Variants in TEX9 observed in about 807,000 individuals in gnomAD.
TEX9 encodes the protein testis expressed 9, also known as testis-expressed protein 9.
Under a neutral mutation model 59.6 loss-of-function variants are expected in TEX9, and 74 were observed. The ratio of observed to expected loss-of-function variants is 1.24; its 90% confidence interval spans 1.03 to 1.51. TEX9 has a LOEUF of 1.51. TEX9 is among the 40% of genes most tolerant of loss of function. The probability of loss-of-function intolerance (pLI) is 0.00; values close to 1 mark genes in which losing one functional copy is unlikely to be tolerated. For missense variants in TEX9, 522 were observed against 447.8 expected (o/e 1.17, Z -1.49); for synonymous variants, 186 against 152.2 (o/e 1.22, Z -1.64).
At chr15:56,439,756 AAAAAAAACCC>A (rs1470252566) in intron 12 of TEX9, among the ~76,000 whole-genome samples, 1 of 151,622 alleles carries the variant, frequency 6.6e-6, no homozygotes, top group East Asian at 1.9e-4. Context: ...AAGCATAAAA[AAAAAAAACCC>A]AAAAAAACAA....
intron 9 of TEX9, among the ~76,000 whole-genome samples, chr15:56,409,200 A>G (rs1317290435): frequency 1.3e-5 from 2 of 152,180 alleles, no homozygotes; most frequent in South Asian, 4.1e-4. Context: ...CGTCTCAAAA[A>G]AAAAAAAAAA....
exon 4 of TEX9, chr15:56,383,999 A>G (rs1333477906): frequency 1.9e-6 from 3 of 1,612,750 alleles, no homozygotes; most frequent in Middle Eastern, 1.6e-4. Flanking sequence ...CACAAATGAA[A>G]TCATGTGATG....
At chr15:56,431,269 C>T (rs2050586901) in intron 12 of TEX9, 6 of 1,351,672 alleles carry the variant, frequency 4.4e-6, no homozygotes, top group South Asian at 1.4e-5. Flanking sequence ...GCTTCATAAC[C>T]GAGCAAGAAG....
At chr15:56,360,425 A>G (rs2046768882) in intron 1 of TEX9, among the ~76,000 whole-genome samples, 1 of 152,114 alleles carries the variant, frequency 6.6e-6, no homozygotes. Context: ...TTCTCCTTGC[A>G]TGAGTTTTGG....
At chr15:56,265,574 A>G (rs917777405) in intron 1 of TEX9, among the ~76,000 whole-genome samples, 1 of 152,082 alleles carries the variant, frequency 6.6e-6, no homozygotes, top group Admixed American at 6.6e-5. Flanking sequence ...TGTTGATTCA[A>G]TTGCAACTAT....
At chr15:56,255,729 C>T (rs1235112681) in intron 1 of TEX9, among the ~76,000 whole-genome samples, 3 of 151,662 alleles carry the variant, frequency 2.0e-5, no homozygotes, top group Non-Finnish European at 4.4e-5. Flanking sequence ...ATCTTTATAA[C>T]CTATAAAGTG....
At chr15:56,375,300 G>A (rs868426623) in intron 3 of TEX9, among the ~76,000 whole-genome samples, 12 of 152,112 alleles carry the variant, frequency 7.9e-5, no homozygotes, top group African/African-American at 2.4e-4. Context: ...TTTTTTGGCC[G>A]CATAAATGTC....
At chr15:56,280,594 C>T (rs770699710) in intron 1 of TEX9, among the ~76,000 whole-genome samples, 1 of 152,094 alleles carries the variant, frequency 6.6e-6, no homozygotes, top group East Asian at 1.9e-4. Flanking sequence ...CTAACAATTT[C>T]CAATAAGTTT....
upstream of TEX9, among the ~76,000 whole-genome samples, chr15:56,362,104 G>A (rs577123382): frequency 3.9e-5 from 6 of 152,176 alleles, no homozygotes; most frequent in South Asian, 2.1e-4. Context: ...TGTTCCATGC[G>A]ACCTTGAGAA....
chr15:56,251,631 A>T (rs1210806534), intron 1 of TEX9, among the ~76,000 whole-genome samples: 5 of 152,130 alleles, frequency 3.3e-5, no homozygotes, highest in Admixed American at 2.6e-4. Flanking sequence ...TTAGACAACA[A>T]CCAGAAGAGG....
rs148040961 is a variant in TEX9 at position 56,302,798 on chromosome 15, G to A, written c.-107+58520G>A. ...ATTAACAAAGAAGACCCAATAATCGGTTGCCTATTCCAAGAAACACACTTC... is the reference window on the plus strand; with the variant it reads ...ATTAACAAAGAAGACCCAATAATCGATTGCCTATTCCAAGAAACACACTTC... On this transcript the variant is annotated intron_variant, in intron 1 of 5. Transcript: ENST00000560827. 2.1e-3 allele frequency among the ~76,000 whole-genome samples: 323 copies of A among 152,250 alleles called. 2 individuals are homozygous for A. Among genetic ancestry groups the A allele is most frequent in the African/African-American group, 6.6e-3 (276 of 41,562 alleles).
At chr15:56,432,933 A>G (rs1352043967) in intron 12 of TEX9, among the ~76,000 whole-genome samples, 3 of 152,206 alleles carry the variant, frequency 2.0e-5, no homozygotes, top group South Asian at 4.1e-4. Flanking sequence ...AAACACCTAC[A>G]TATTATCCAT....
At chr15:56,426,870 A>G (rs2140281873) in intron 10 of TEX9, among the ~76,000 whole-genome samples, 1 of 151,662 alleles carries the variant, frequency 6.6e-6, no homozygotes, top group Non-Finnish European at 1.5e-5. Flanking sequence ...GTCCATTTTT[A>G]CCAAGATTAC....
intron 1 of TEX9, among the ~76,000 whole-genome samples, chr15:56,334,908 C>G (rs1465345961): frequency 1.3e-5 from 2 of 152,062 alleles, no homozygotes; most frequent in African/African-American, 4.8e-5. Flanking sequence ...TGAAAAGGTG[C>G]TCAACTAAAC....
chr15:56,315,474 T>C (rs1230117711), intron 1 of TEX9, among the ~76,000 whole-genome samples: 1 of 150,084 alleles, frequency 6.7e-6, no homozygotes, highest in Non-Finnish European at 1.5e-5. Flanking sequence ...TGTTGAATAT[T>C]GGCCCCCACT....
At chr15:56,428,997 AACAG>A (rs1172471221) in intron 12 of TEX9, 29 of 606,462 alleles carry the variant, frequency 4.8e-5, no homozygotes, top group East Asian at 3.8e-4. Context: ...ACAAAATCCA[AACAG>A]ACAATGGATA....
Position 56,307,020 on chromosome 15 carries a change from C to G in TEX9, c.-107+62742C>G, listed in dbSNP as rs144953662. Among the ~76,000 whole-genome samples the G allele has an allele frequency of 1.2e-4, 18 of 152,296 alleles. No individual in the cohort carries two copies. In the East Asian group the frequency reaches 3.5e-3, roughly 29 times the overall value. On this transcript the variant is annotated intron_variant, in intron 1 of 5. Coordinates refer to the TEX9 transcript ENST00000560827. Reference sequence around the variant, plus strand: ...TATCCAGGGTAGTTTAAAATCTCAACTCTCCTTTGTTCTTCCTGGCTGTGC... The same window carrying G: ...TATCCAGGGTAGTTTAAAATCTCAAGTCTCCTTTGTTCTTCCTGGCTGTGC...
At chr15:56,320,306 A>G (rs979518659) in intron 1 of TEX9, among the ~76,000 whole-genome samples, 4 of 152,228 alleles carry the variant, frequency 2.6e-5, no homozygotes, top group African/African-American at 4.8e-5. Flanking sequence ...ATAAAATACC[A>G]TAGACTGAGT....
At chr15:56,460,009 A>AAAAAAAAAAAAAAAAT in the TEX9 span, among the ~76,000 whole-genome samples, 31 of 26,388 alleles carry the variant, frequency 1.2e-3, 7 homozygotes, top group African/African-American at 4.2e-3. Context: ...AAAAAAAAAA[A>AAAAAAAAAAAAAAAAT]ATACATATAT....
Sources: allele counts gnomAD v4.1 joint callset (sites outside exome capture counted in the v4.1 genomes callset), GRCh38; gene constraint gnomAD v4.1.1; transcripts MANE v1.5; gene names NCBI Gene and HGNC (gene_info 2026-07-23, HGNC 2026-07-21).